Variants in APCDD1L observed in about 807,000 individuals in gnomAD.
APCDD1L encodes the protein APC down-regulated 1 like, also known as protein APCDD1-like.
APCDD1L carries 21 observed loss-of-function variants against 24.2 expected under a neutral mutation model. That is an observed-to-expected ratio of 0.87 (90% CI 0.61 to 1.25). APCDD1L has a LOEUF of 1.25. Among genes scored for constraint, APCDD1L ranks in the 50% most tolerant of loss-of-function variants. APCDD1L has a pLI of 0.00. For missense variants in APCDD1L, 704 were observed against 711.7 expected, an observed-to-expected ratio of 0.99 and a Z score of 0.12; for synonymous variants, 321 against 323.6, an observed-to-expected ratio of 0.99 and a Z score of 0.09.
At chr20:58,510,495 G>C (rs759373148) in intron 1 of APCDD1L, among the ~76,000 whole-genome samples, 1 of 152,180 alleles carries the variant, frequency 6.6e-6, no homozygotes, top group African/African-American at 2.4e-5. Flanking sequence ...ACCACACCCA[G>C]CTAATTTTTT....
intron 1 of APCDD1L, among the ~76,000 whole-genome samples, chr20:58,475,986 C>T (rs6100076): frequency 6.6e-6 from 1 of 152,180 alleles, no homozygotes; most frequent in Non-Finnish European, 1.5e-5. Flanking sequence ...TGACTTCATC[C>T]TAACTTGATT....
At chr20:58,499,716 C>G (rs916873862) in intron 1 of APCDD1L, among the ~76,000 whole-genome samples, 3 of 152,212 alleles carry the variant, frequency 2.0e-5, no homozygotes, top group Non-Finnish European at 2.9e-5. Context: ...CTGCTTCCAC[C>G]CCAGGACAAT....
chr20:58,465,827 G>C (rs892031900), intron 3 of APCDD1L, among the ~76,000 whole-genome samples: 1 of 152,214 alleles, frequency 6.6e-6, no homozygotes, highest in African/African-American at 2.4e-5. Context: ...GCTTTGAAAT[G>C]AGGGCAAATA....
rs576619424 is a variant in APCDD1L, at chr20:58,492,438, G to A, written c.50-21691C>T. Reference sequence around the variant, plus strand: ...GTGGTAAATAAAGATATATAGAGACGTCAAATGCATTAATAGTCAGGGCCG... The same window carrying A: ...GTGGTAAATAAAGATATATAGAGACATCAAATGCATTAATAGTCAGGGCCG... On this transcript the variant is annotated intron_variant, in intron 1 of 3. Coordinates refer to ENST00000371149, the MANE Select transcript of APCDD1L (RefSeq NM_153360.3). Among the ~76,000 whole-genome samples, 19 of 152,226 alleles carry A rather than the reference G, an allele frequency of 1.2e-4. No homozygotes were observed. In the East Asian group the frequency reaches 1.3e-3, roughly 11 times the overall value.
At chr20:58,513,120 C>T (rs1990660696) in intron 1 of APCDD1L, among the ~76,000 whole-genome samples, 1 of 152,146 alleles carries the variant, frequency 6.6e-6, no homozygotes, top group South Asian at 2.1e-4. Context: ...ATGTGTCCCA[C>T]CACTCTAGAC....
chr20:58,477,423 G>T (rs1419022963), intron 1 of APCDD1L, among the ~76,000 whole-genome samples: 1 of 152,114 alleles, frequency 6.6e-6, no homozygotes, highest in Non-Finnish European at 1.5e-5. Context: ...ATGTTTCCTC[G>T]TGAGTAAATT....
chr20:58,497,559 CT>C lies in APCDD1L; in HGVS notation c.49+17099del, dbSNP rs1990349650. On this transcript the variant is annotated intron_variant, in intron 1 of 3. Coordinates refer to ENST00000371149, the MANE Select transcript of APCDD1L (RefSeq NM_153360.3). The surrounding 1 kb of genome is among the most constrained non-coding windows in gnomAD (Gnocchi z 4.3). ...TGGCTTGTAGATGGCCATCTTCTCC[CT>C]GCGTCTCTTCACATCGTCTTCCTTC... Among the ~76,000 whole-genome samples the C allele has an allele frequency of 6.6e-6, 1 of 152,180 alleles. No individual in the cohort carries two copies. Among genetic ancestry groups the C allele is most frequent in the African/African-American group, 2.4e-5 (1 of 41,440 alleles).
At chr20:58,514,553 C>T in intron 1 of APCDD1L, 106 bp downstream of exon 1, 1 of 1,137,280 alleles carries the variant, frequency 8.8e-7, no homozygotes, top group Non-Finnish European at 1.1e-6. Context: ...GCCGCGTGGG[C>T]CGACCCAGGG....
intron 1 of APCDD1L, among the ~76,000 whole-genome samples, chr20:58,486,145 A>G (rs1990114038): frequency 6.6e-6 from 1 of 152,246 alleles, no homozygotes; most frequent in African/African-American, 2.4e-5. Context: ...ACATCTCATG[A>G]ATATCAGATA....
At chr20:58,509,830 A>C (rs1172545996) in intron 1 of APCDD1L, among the ~76,000 whole-genome samples, 1 of 152,174 alleles carries the variant, frequency 6.6e-6, no homozygotes, top group Non-Finnish European at 1.5e-5. Flanking sequence ...TTCTAGAGGC[A>C]TCTCATTCTT....
At chr20:58,473,154 G>C (rs1378990142) in intron 1 of APCDD1L, among the ~76,000 whole-genome samples, 1 of 152,104 alleles carries the variant, frequency 6.6e-6, no homozygotes, top group East Asian at 1.9e-4. Flanking sequence ...AATAGTGAAG[G>C]GGCCCTGCAA....
rs201616837 is a variant in APCDD1L, at chr20:58,461,193, G to A, written c.1103C>T (p.Thr368Met). The A allele has an allele frequency of 2.9e-5, 47 of 1,613,400 alleles. No individual in the cohort carries two copies. Among genetic ancestry groups the A allele is most frequent in the South Asian group, 1.5e-4 (14 of 91,080 alleles). The change falls in exon 4 of 4, where the codon ACG (threonine) becomes ATG (methionine). Residue 368 changes from threonine to methionine, a missense_variant. Thr to Met is a moderately conservative substitution (Grantham distance 81, BLOSUM62 -1). Transcript: ENST00000371149. This position sits in a 1 kb window ranked among gnomAD's most constrained non-coding sequence, Gnocchi z 6.0. The stretch of plus-strand genomic sequence containing the variant: ...TGGCTCAGAGAAGTTGAGCATGGCC[G>A]TGGTGACCTGGTCCATGGGGGTCAC... ...AHVTPMDQVTTAMLNFSEPSS... is the reference protein window; with the variant it reads ...AHVTPMDQVTMAMLNFSEPSS...
chr20:58,514,599 G>C, intron 1 of APCDD1L, 60 bp downstream of exon 1: 1 of 1,285,756 alleles, frequency 7.8e-7, no homozygotes, highest in Non-Finnish European at 9.9e-7. Flanking sequence ...GACATTAGAC[G>C]GCGAGCTCCC....
Position 58,460,626 on chromosome 20 carries a change from A to G in APCDD1L, c.*164T>C. On this transcript the variant is annotated 3_prime_UTR_variant, in exon 4 of 4. Transcript: ENST00000371149. The surrounding 1 kb of genome is among the most constrained non-coding windows in gnomAD (Gnocchi z 4.2). ...TATAGGCTTTGCAGGGGTTAAGCTC[A>G]TGTCCTGAGCCACATGGGACACAGG... 5.4e-6 allele frequency: 5 copies of G among 923,200 alleles called. No individual in the cohort carries two copies. Among genetic ancestry groups the G allele is most frequent in the Non-Finnish European group, 7.6e-6 (5 of 661,492 alleles). 57.2% of individuals were successfully genotyped at this position (923,200 alleles called of 1,614,324 possible).
intron 1 of APCDD1L, among the ~76,000 whole-genome samples, chr20:58,476,787 C>T (rs753063330): frequency 3.3e-5 from 5 of 152,212 alleles, no homozygotes; most frequent in Admixed American, 6.5e-5. Context: ...CCCATCCCAC[C>T]GTGCTTTTCC....
At chr20:58,496,515 T>A (rs1369843317) in intron 1 of APCDD1L, among the ~76,000 whole-genome samples, 1 of 152,104 alleles carries the variant, frequency 6.6e-6, no homozygotes, top group African/African-American at 2.4e-5. Flanking sequence ...GTCTGGGAGA[T>A]CAGAAAGCCC....
At position 58,470,758 on chromosome 20, in the gene APCDD1L, G is replaced by C; in HGVS notation, c.50-11C>G. On this transcript the variant is annotated splice_polypyrimidine_tract_variant and intron_variant, in intron 1 of 3. Coordinates refer to ENST00000371149, the MANE Select transcript of APCDD1L (RefSeq NM_153360.3). ...CCGGTGCAGTGTGGGCTGCAAAGCAGACAGACCTGGGTAAGACCCCAGCAT... is the reference window on the plus strand; with the variant it reads ...CCGGTGCAGTGTGGGCTGCAAAGCACACAGACCTGGGTAAGACCCCAGCAT... 1 of 1,531,792 alleles carries C rather than the reference G, an allele frequency of 6.5e-7. No individual in the cohort carries two copies. 94.9% of individuals were successfully genotyped at this position (1,531,792 alleles called of 1,614,324 possible). A position where few individuals can be genotyped will look rare whatever the true frequency, so the allele number is the denominator to read the frequency against.
intron 1 of APCDD1L, among the ~76,000 whole-genome samples, chr20:58,491,835 G>T (rs532697491): frequency 2.6e-5 from 4 of 152,204 alleles, no homozygotes; most frequent in Non-Finnish European, 4.4e-5. Flanking sequence ...TTGAAAACTC[G>T]AGTAACTGTA....
At position 58,461,204 on chromosome 20, in the gene APCDD1L, G is replaced by T; in HGVS notation, c.1092C>A (p.Asp364Glu). The change falls in exon 4 of 4, where the codon GAC becomes GAA. Residue 364 changes from aspartate (D) to glutamate (E), a missense_variant. Coordinates refer to ENST00000371149, the MANE Select transcript of APCDD1L (RefSeq NM_153360.3). The surrounding 1 kb of genome is among the most constrained non-coding windows in gnomAD (Gnocchi z 6.0). The stretch of plus-strand genomic sequence containing the variant: ...AGTTGAGCATGGCCGTGGTGACCTG[G>T]TCCATGGGGGTCACATGGGCCCGTG... ...EVTRAHVTPM[D>E]QVTTAMLNFS... 6.2e-7 allele frequency: 1 copy of T among 1,613,606 alleles called. No homozygotes were observed. Among genetic ancestry groups the T allele is most frequent in the Non-Finnish European group, 8.5e-7 (1 of 1,179,862 alleles).
Sources: gnomAD v4.1 joint callset for allele counts (sites outside exome capture counted in the v4.1 genomes callset) on GRCh38, gnomAD v4.1.1 for gene constraint, Gnocchi (gnomAD v3.1) non-coding constraint, MANE v1.5 for transcripts, NCBI Gene and HGNC (gene_info 2026-07-23, HGNC 2026-07-21) for gene names.